The following L3MBTL1 variants were observed in gnomAD, a reference collection of about 807,000 sequenced individuals.
The protein encoded by L3MBTL1 is lethal(3)malignant brain tumor-like protein 1.
A neutral mutation model predicts 105.3 loss-of-function variants in L3MBTL1; 75 were observed. That is an observed-to-expected ratio of 0.71 (90% confidence interval 0.59 to 0.86). The LOEUF (loss-of-function observed/expected upper bound fraction) is 0.86, where lower values mean the gene tolerates loss of function less well. Ranked by LOEUF, L3MBTL1 falls within the 40% of genes least tolerant of loss-of-function variation. L3MBTL1 has a pLI of 0.00. For synonymous variants in L3MBTL1, 452 were observed against 436.2 expected, an observed-to-expected ratio of 1.04 and a Z score of -0.45; for missense variants, 1,069 against 1,126.4, an observed-to-expected ratio of 0.95 and a Z score of 0.73.
Position 43,541,795 on chromosome 20 carries a change from TA to T in L3MBTL1, c.*669del. ...CATATGGCTGTGTATCACTAGTATA[TA>T]ATAGAGCAATATTATGGAGGAATAT... is the stretch of plus-strand genomic sequence containing the variant. On this transcript the variant is annotated 3_prime_UTR_variant, in exon 22 of 22. Transcript: ENST00000418998. The T allele has an allele frequency of 1.0e-6, 1 of 982,154 alleles. No individual in the cohort carries two copies. Among genetic ancestry groups the T allele is most frequent in the Non-Finnish European group, 1.2e-6 (1 of 826,760 alleles). 60.8% of individuals were successfully genotyped at this position (982,154 alleles called of 1,614,324 possible). A position where few individuals can be genotyped will look rare whatever the true frequency, so the allele number is the denominator to read the frequency against.
chr20:43,516,054 A>G, intron 6 of L3MBTL1, 39 bp from the exon 7 acceptor site: 1 of 1,499,506 alleles, frequency 6.7e-7, no homozygotes. Flanking sequence ...ATCCCAAACC[A>G]TGAGGAGAAG....
chr20:43,515,399 C>T lies in L3MBTL1; in HGVS notation c.761C>T (p.Ser254Leu), dbSNP rs778976608. Residue 254 changes from serine to leucine, a missense_variant, in exon 6 of 22, where the codon TCG (serine) becomes TTG (leucine). Ser to Leu is a moderately radical substitution (Grantham distance 145). Coordinates refer to ENST00000418998, the MANE Select transcript of L3MBTL1 (RefSeq NM_001377303.1). The part of the protein sequence containing the change: ...REYQSPSEEE[S>L]EPEAMEKQEE... ...TACCAGAGCCCATCAGAGGAGGAGT[C>T]GGAGCCAGAGGCCATGGTAGGAAGA... is the stretch of plus-strand genomic sequence containing the variant. 4.5e-6 allele frequency: 7 copies of T among 1,557,234 alleles called. No homozygotes were observed. In the African/African-American group the frequency reaches 6.8e-5, roughly 15 times the overall value.
At chr20:43,541,944 C>T, downstream of L3MBTL1, 1 of 981,706 alleles carries the variant, frequency 1.0e-6, no homozygotes, top group Non-Finnish European at 1.2e-6. Flanking sequence ...GGCACAGTGG[C>T]TCACGCCTGT....
chr20:43,530,143 T>C (rs1211295691), intron 9 of L3MBTL1, 141 bp from the exon 10 acceptor site: 1 of 965,766 alleles, frequency 1.0e-6, no homozygotes, highest in Non-Finnish European at 1.6e-6. Flanking sequence ...GGGGTACAAT[T>C]GGGAGGAAAG....
intron 7 of L3MBTL1, among the ~76,000 whole-genome samples, chr20:43,527,323 T>C (rs1055425750): frequency 6.6e-6 from 1 of 152,258 alleles, no homozygotes; most frequent in African/African-American, 2.4e-5. Flanking sequence ...TGTTACGTCT[T>C]TAGTTGTCTG....
At chr20:43,519,490 G>A (rs1170084187) in intron 7 of L3MBTL1, among the ~76,000 whole-genome samples, 3 of 152,218 alleles carry the variant, frequency 2.0e-5, no homozygotes, top group East Asian at 3.9e-4. Flanking sequence ...TACAAAATTA[G>A]CCAGGCATGG....
chr20:43,528,663 G>T lies in L3MBTL1; in HGVS notation c.869G>T (p.Gly290Val). 3.1e-6 allele frequency: 5 copies of T among 1,613,934 alleles called. No individual in the cohort carries two copies. Among genetic ancestry groups the T allele is most frequent in the Non-Finnish European group, 4.2e-6 (5 of 1,179,754 alleles). ...GTCTGTCCCCTTTCCACAGCAACAG[G>T]TGAGAAGAAGGAATGCTGGTCGTGG... ...EEWSSSQPAT[G>V]EKKECWSWES... The change falls in exon 8 of 22, where the codon GGT becomes GTT. Residue 290 changes from glycine to valine, a missense_variant. Physicochemically the swap from Gly to Val is moderately radical, Grantham distance 109 (BLOSUM62 -3). Transcript: ENST00000418998.
chr20:43,543,461 C>T (rs573927687), downstream of L3MBTL1, among the ~76,000 whole-genome samples: 3 of 152,312 alleles, frequency 2.0e-5, no homozygotes. Flanking sequence ...GGCTGTGTCT[C>T]CCAGGAACAT....
At chr20:43,548,357 A>G in exon 19 of L3MBTL1, 1 of 983,522 alleles carries the variant, frequency 1.0e-6, no homozygotes, top group African/African-American at 1.7e-5. Flanking sequence ...CTCCACCTAT[A>G]TCTGACCAGG....
At chr20:43,529,034 G>A (rs1164282573) in intron 8 of L3MBTL1, 3 of 602,352 alleles carry the variant, frequency 5.0e-6, no homozygotes, top group Non-Finnish European at 8.9e-6. Context: ...CCATGACTTT[G>A]GTGAGAGGGA....
At chr20:43,534,713 G>A in intron 15 of L3MBTL1, 115 bp from the exon 16 acceptor site, 1 of 712,898 alleles carries the variant, frequency 1.4e-6, no homozygotes, top group Non-Finnish European at 2.4e-6. Context: ...TTGGCCCCTT[G>A]GTTCTTTCAA....
intron 7 of L3MBTL1, among the ~76,000 whole-genome samples, chr20:43,519,028 G>A (rs188292033): frequency 4.0e-4 from 60 of 148,484 alleles, no homozygotes; most frequent in South Asian, 1.5e-3. Flanking sequence ...TCTGTCTCAG[G>A]GGGAAAAAAA....
Position 43,534,059 on chromosome 20 carries a change from G to A in L3MBTL1, c.1565G>A (p.Gly522Glu). The change falls in exon 14 of 22, where the codon GGG (glycine) becomes GAG (glutamate). Residue 522 changes from glycine (G) to glutamate (E), a missense_variant. Gly to Glu is a moderately conservative substitution (Grantham distance 98). Coordinates refer to ENST00000418998, the MANE Select transcript of L3MBTL1 (RefSeq NM_001377303.1). ...FCWEKYLEET[G>E]ASAVPTWAFK... Reference sequence around the variant, plus strand: ...TGGGAGAAATATCTGGAAGAAACTGGGGCCTCTGCTGTCCCCACCTGGGCC... The same window carrying A: ...TGGGAGAAATATCTGGAAGAAACTGAGGCCTCTGCTGTCCCCACCTGGGCC... 8.7e-6 allele frequency: 14 copies of A among 1,614,052 alleles called. No individual in the cohort carries two copies. The highest frequency in any genetic ancestry group is 1.0e-5 in the Non-Finnish European group (12 of 1,179,972).
intron 1 of L3MBTL1, among the ~76,000 whole-genome samples, chr20:43,509,175 G>T (rs1473367677): frequency 2.0e-5 from 3 of 151,904 alleles, no homozygotes; most frequent in Non-Finnish European, 4.4e-5. Flanking sequence ...CAGTTATGTG[G>T]TTTTTTCTTT....
rs377279389 is a variant in L3MBTL1, at chr20:43,540,812, C to T, written c.2391C>T (p.Asp797=). ...AGGACCAAGCACGCCTCTTCAAAGACGAGGTAAGGTGCAAGTGCAGAGTGG... is the reference window on the plus strand; with the variant it reads ...AGGACCAAGCACGCCTCTTCAAAGATGAGGTAAGGTGCAAGTGCAGAGTGG... ...GCEDQARLFK[D]EARIVRVTHV... Residue 797 remains aspartate, a synonymous_variant, in exon 21 of 22, where the codon GAC becomes GAT. Coordinates refer to ENST00000418998, the MANE Select transcript of L3MBTL1 (RefSeq NM_001377303.1). 46 of 1,614,080 alleles carry T rather than the reference C, an allele frequency of 2.8e-5. No homozygotes were observed. Among genetic ancestry groups the T allele is most frequent in the African/African-American group, 1.6e-4 (12 of 75,038 alleles).
At position 43,540,824 on chromosome 20, in the gene L3MBTL1, C is replaced by A; in HGVS notation, c.2394+9C>A. 6.2e-7 allele frequency: 1 copy of A among 1,614,048 alleles called. No homozygotes were observed. Among genetic ancestry groups the A allele is most frequent in the Non-Finnish European group, 8.5e-7 (1 of 1,179,932 alleles). On this transcript the variant is annotated intron_variant, in intron 21 of 21. Transcript: ENST00000418998. The stretch of plus-strand genomic sequence containing the variant: ...GCCTCTTCAAAGACGAGGTAAGGTG[C>A]AAGTGCAGAGTGGGAGACAGAGCCG...
At chr20:43,539,083 G>A (rs2019776017) in intron 19 of L3MBTL1, 1 of 152,782 alleles carries the variant, frequency 6.5e-6, no homozygotes, top group Admixed American at 6.5e-5. Context: ...TAGGGCTGAG[G>A]ATGGAATCCC....
chr20:43,532,946 G>A (rs757786284), intron 12 of L3MBTL1, 22 bp downstream of exon 12: 1 of 1,613,924 alleles, frequency 6.2e-7, no homozygotes, highest in Non-Finnish European at 8.5e-7. Flanking sequence ...GCCCAGACTT[G>A]GCCTCAGGGG....
exon 19 of L3MBTL1, chr20:43,548,315 C>T: frequency 8.1e-7 from 1 of 1,240,588 alleles, no homozygotes; most frequent in Non-Finnish European, 1.1e-6. Flanking sequence ...TTCTTCCTGA[C>T]CTGAATTCCT....
Sources: allele counts gnomAD v4.1 joint callset (sites outside exome capture counted in the v4.1 genomes callset), GRCh38; gene constraint gnomAD v4.1.1; transcripts MANE v1.5; gene names NCBI Gene and HGNC (gene_info 2026-07-23, HGNC 2026-07-21).